The following SH3GL3 variants were observed in gnomAD, a reference collection of about 807,000 sequenced individuals.
The protein encoded by SH3GL3 is SH3 domain containing GRB2 like 3, endophilin A3.
A neutral mutation model predicts 47.7 loss-of-function variants in SH3GL3; 33 were observed. The observed-to-expected ratio is 0.69, with a 90% confidence interval of 0.52 to 0.92. The LOEUF (loss-of-function observed/expected upper bound fraction) is 0.92, where lower values mean the gene tolerates loss of function less well. Among genes scored for constraint, SH3GL3 ranks in the 40% least tolerant of loss-of-function variants. The pLI, the probability that SH3GL3 is intolerant of heterozygous loss-of-function variation, is 0.00. For synonymous variants in SH3GL3, 155 were observed against 148.8 expected (o/e 1.04, Z -0.30); for missense variants, 363 against 417.8 (o/e 0.87, Z 1.14).
chr15:83,606,228 A>G (rs1896796), intron 8 of SH3GL3, among the ~76,000 whole-genome samples: 69,838 of 151,924 alleles, frequency 0.46, 16,528 homozygotes, highest in Admixed American at 0.57. Context: ...AATCTCCCAA[A>G]TGGCTTGTAT....
chr15:83,525,157 A>G (rs2043361541), intron 1 of SH3GL3, among the ~76,000 whole-genome samples: 1 of 151,692 alleles, frequency 6.6e-6, no homozygotes, highest in Admixed American at 6.6e-5. Context: ...TTTTCATGTT[A>G]TTAGCGTCTG....
chr15:83,540,419 A>G (rs1039715434), intron 1 of SH3GL3, among the ~76,000 whole-genome samples: 1 of 152,174 alleles, frequency 6.6e-6, no homozygotes, highest in East Asian at 1.9e-4. Context: ...TTTTAGTTTT[A>G]TAAGAGTATG....
At chr15:83,569,204 T>C (rs2045699730) in intron 4 of SH3GL3, among the ~76,000 whole-genome samples, 1 of 152,220 alleles carries the variant, frequency 6.6e-6, no homozygotes, top group Non-Finnish European at 1.5e-5. Context: ...GCTTGTTGTG[T>C]ATCTTTTATG....
intron 1 of SH3GL3, among the ~76,000 whole-genome samples, chr15:83,531,374 G>A (rs749750828): frequency 2.0e-5 from 3 of 152,186 alleles, no homozygotes; most frequent in Admixed American, 6.5e-5. Flanking sequence ...AATGACCTTT[G>A]AAGGCTGTGT....
chr15:83,491,473 G>T (rs2041872258), intron 1 of SH3GL3, among the ~76,000 whole-genome samples: 1 of 152,194 alleles, frequency 6.6e-6, no homozygotes, highest in Non-Finnish European at 1.5e-5. Context: ...TTGTGAAGTG[G>T]TATGGATAAG....
At chr15:83,487,662 A>T (rs569066226) in intron 1 of SH3GL3, among the ~76,000 whole-genome samples, 1 of 152,252 alleles carries the variant, frequency 6.6e-6, no homozygotes, top group African/African-American at 2.4e-5. Context: ...GTTGGCACAC[A>T]GATGTGATAC....
intron 6 of SH3GL3, among the ~76,000 whole-genome samples, chr15:83,586,257 C>T (rs1333856636): frequency 6.6e-6 from 1 of 152,190 alleles, no homozygotes; most frequent in African/African-American, 2.4e-5. Context: ...CCTTAGATTG[C>T]TTTTCCTCAA....
intron 1 of SH3GL3, among the ~76,000 whole-genome samples, chr15:83,480,520 C>G (rs1393617847): frequency 6.6e-6 from 1 of 152,120 alleles, no homozygotes; most frequent in Non-Finnish European, 1.5e-5. Context: ...TTGCAAGGCT[C>G]GGGCCTCCCC....
intron 1 of SH3GL3, among the ~76,000 whole-genome samples, chr15:83,526,365 A>G (rs529834820): frequency 6.6e-6 from 1 of 152,340 alleles, no homozygotes; most frequent in Non-Finnish European, 1.5e-5. Flanking sequence ...ACATGCACAC[A>G]TATGTTCAAT....
chr15:83,503,965 T>A (rs766880007), intron 1 of SH3GL3, among the ~76,000 whole-genome samples: 1 of 152,248 alleles, frequency 6.6e-6, no homozygotes, highest in Non-Finnish European at 1.5e-5. Context: ...AATTGTGAGA[T>A]GAAATGTTAC....
intron 1 of SH3GL3, among the ~76,000 whole-genome samples, chr15:83,540,007 G>C (rs1021751259): frequency 6.6e-6 from 1 of 152,010 alleles, no homozygotes; most frequent in African/African-American, 2.4e-5. Context: ...GCTGCATCTC[G>C]TAAGCTTAGG....
intron 1 of SH3GL3, among the ~76,000 whole-genome samples, chr15:83,494,731 T>C (rs1259533746): frequency 6.6e-6 from 1 of 152,054 alleles, no homozygotes; most frequent in Non-Finnish European, 1.5e-5. Context: ...TTAGTAGAGA[T>C]GGGGTTTCAC....
At chr15:83,548,703 ATCTTTC>A (rs982240470) in intron 1 of SH3GL3, among the ~76,000 whole-genome samples, 7 of 152,104 alleles carry the variant, frequency 4.6e-5, no homozygotes, top group Non-Finnish European at 1.0e-4. Flanking sequence ...TGCAATGTGT[ATCTTTC>A]TCTTTGTCTT....
At chr15:83,478,197 G>C (rs1049024310) in intron 1 of SH3GL3, among the ~76,000 whole-genome samples, 2 of 152,162 alleles carry the variant, frequency 1.3e-5, no homozygotes, top group African/African-American at 4.8e-5. Flanking sequence ...CTTAACCTAC[G>C]GGAGGGCAAC....
intron 5 of SH3GL3, among the ~76,000 whole-genome samples, chr15:83,573,603 C>A (rs1161263305): frequency 2.6e-5 from 4 of 152,212 alleles, no homozygotes; most frequent in Non-Finnish European, 2.9e-5. Context: ...GAAGTGTGAA[C>A]CCCCACTGGT....
chr15:83,532,764 T>C (rs1567309671), intron 1 of SH3GL3, among the ~76,000 whole-genome samples: 2 of 152,216 alleles, frequency 1.3e-5, no homozygotes, highest in Non-Finnish European at 2.9e-5. Flanking sequence ...CAGGGTCTTC[T>C]TGCAATTCTC....
chr15:83,568,127 C>A (rs2045643717), intron 3 of SH3GL3, among the ~76,000 whole-genome samples: 1 of 151,776 alleles, frequency 6.6e-6, no homozygotes, highest in African/African-American at 2.4e-5. Context: ...GGATTACAGG[C>A]ATGTGCCACC....
At chr15:83,584,554 G>A (rs925757708) in intron 6 of SH3GL3, among the ~76,000 whole-genome samples, 5 of 152,072 alleles carry the variant, frequency 3.3e-5, no homozygotes, top group African/African-American at 9.7e-5. Flanking sequence ...GTCAACCACC[G>A]AGGCCTGTGC....
chr15:83,457,029 C>T (rs1200001424), intron 1 of SH3GL3, among the ~76,000 whole-genome samples: 1 of 152,182 alleles, frequency 6.6e-6, no homozygotes, highest in Non-Finnish European at 1.5e-5. Flanking sequence ...ACAATATTTA[C>T]ATTTGTGTTA....
Sources: allele counts gnomAD v4.1 joint callset (sites outside exome capture counted in the v4.1 genomes callset), GRCh38; gene constraint gnomAD v4.1.1; transcripts MANE v1.5; gene names NCBI Gene and HGNC (gene_info 2026-07-23, HGNC 2026-07-21).